The following CDH12 variants were observed in gnomAD, a reference collection of about 807,000 sequenced individuals.
CDH12 encodes the protein cadherin-12.
In CDH12, 41 loss-of-function variants were observed where a neutral mutation model predicts 74.1. That is an observed-to-expected ratio of 0.55 (90% CI 0.43 to 0.72). CDH12 has a LOEUF of 0.72. Among genes scored for constraint, CDH12 ranks in the 30% least tolerant of loss-of-function variants. CDH12 has a pLI of 0.00. For missense variants in CDH12, 945 were observed against 977.2 expected, an observed-to-expected ratio of 0.97 and a Z score of 0.44; for synonymous variants, 399 against 355.0, an observed-to-expected ratio of 1.12 and a Z score of -1.39.
At chr5:22,098,170 G>A (rs975649059) in intron 4 of CDH12, among the ~76,000 whole-genome samples, 2 of 152,084 alleles carry the variant, frequency 1.3e-5, no homozygotes, top group Non-Finnish European at 2.9e-5. Context: ...ACACCCATCA[G>A]GCTCAGCAAA....
chr5:22,703,814 G>A (rs150906556), intron 1 of CDH12, among the ~76,000 whole-genome samples: 1 of 152,208 alleles, frequency 6.6e-6, no homozygotes, highest in Non-Finnish European at 1.5e-5. Flanking sequence ...AGAAATGTTG[G>A]AGCTGGTTTT....
At chr5:21,955,106 G>T (rs377320128) in intron 6 of CDH12, among the ~76,000 whole-genome samples, 1 of 151,752 alleles carries the variant, frequency 6.6e-6, no homozygotes, top group Non-Finnish European at 1.5e-5. Context: ...CAGGTTCTGC[G>T]TTTGATTTTT....
chr5:22,800,735 A>G (rs1748466843), intron 1 of CDH12, among the ~76,000 whole-genome samples: 1 of 152,008 alleles, frequency 6.6e-6, no homozygotes, highest in Non-Finnish European at 1.5e-5. Flanking sequence ...CAACCACTGA[A>G]CTTTTTATTG....
chr5:22,156,956 A>G (rs1748056142), intron 4 of CDH12, among the ~76,000 whole-genome samples: 1 of 152,240 alleles, frequency 6.6e-6, no homozygotes, highest in Admixed American at 6.6e-5. Flanking sequence ...CCAGAGGGGG[A>G]AGAAAAGCAT....
intron 1 of CDH12, among the ~76,000 whole-genome samples, chr5:22,693,561 A>G (rs1742196017): frequency 6.6e-6 from 1 of 152,202 alleles, no homozygotes; most frequent in Non-Finnish European, 1.5e-5. Context: ...TTGAAAAAAA[A>G]TTAGAAAATG....
chr5:21,764,360 C>A (rs540825037), intron 12 of CDH12, among the ~76,000 whole-genome samples: 1 of 151,202 alleles, frequency 6.6e-6, no homozygotes, highest in East Asian at 1.9e-4. Flanking sequence ...GGTGACAGAG[C>A]GAGACTCTGT....
intron 3 of CDH12, among the ~76,000 whole-genome samples, chr5:22,276,885 T>C (rs1736659205): frequency 6.6e-6 from 1 of 152,184 alleles, no homozygotes; most frequent in East Asian, 1.9e-4. Flanking sequence ...TGTATTTAAA[T>C]CTCACAATAA....
At chr5:22,352,307 C>G (rs989282166) in intron 3 of CDH12, among the ~76,000 whole-genome samples, 1 of 152,006 alleles carries the variant, frequency 6.6e-6, no homozygotes, top group African/African-American at 2.4e-5. Flanking sequence ...GGTTGCTTAT[C>G]CTCTTTTCTT....
In CDH12 at chr5:22,237,389, C is replaced by T. The variant is rs936502497; in HGVS notation, c.-332-24746G>A. ...GTGTTTGTGTACCCCCAAATTCATA[C>T]GTTAAAATCCTAATCCTCAAGGTGA... On this transcript the variant is annotated intron_variant, in intron 3 of 14. Coordinates refer to ENST00000382254, the MANE Select transcript of CDH12 (RefSeq NM_004061.5). 6.6e-5 allele frequency among the ~76,000 whole-genome samples: 10 copies of T among 152,118 alleles called. No homozygotes were observed. The East Asian group carries it at 9.6e-4, about 15-fold the overall frequency.
At chr5:22,818,997 T>C (rs1206714687) in intron 1 of CDH12, among the ~76,000 whole-genome samples, 1 of 152,156 alleles carries the variant, frequency 6.6e-6, no homozygotes, top group African/African-American at 2.4e-5. Context: ...TCTATTTTTG[T>C]AGTATGGTAG....
chr5:22,509,530 C>T (rs557092428), intron 1 of CDH12, among the ~76,000 whole-genome samples: 2 of 152,052 alleles, frequency 1.3e-5, no homozygotes, highest in East Asian at 1.9e-4. Context: ...AACTGATGAT[C>T]CAGGAAATTT....
intron 3 of CDH12, among the ~76,000 whole-genome samples, chr5:22,352,988 C>T (rs1189163476): frequency 6.6e-6 from 1 of 152,096 alleles, no homozygotes; most frequent in African/African-American, 2.4e-5. Flanking sequence ...AGAGGCACTG[C>T]CAAAGATGAA....
intron 5 of CDH12, among the ~76,000 whole-genome samples, chr5:22,041,991 A>G (rs1025332640): frequency 6.6e-5 from 10 of 152,218 alleles, no homozygotes; most frequent in African/African-American, 2.2e-4. Context: ...CTAGACATCG[A>G]TGACAGGAGA....
chr5:21,919,110 T>A (rs1754237328), intron 6 of CDH12, among the ~76,000 whole-genome samples: 1 of 152,168 alleles, frequency 6.6e-6, no homozygotes. Context: ...GGACTGATAA[T>A]AACTGCAATG....
At chr5:22,490,495 G>C (rs576735090) in intron 2 of CDH12, among the ~76,000 whole-genome samples, 4 of 151,062 alleles carry the variant, frequency 2.6e-5, no homozygotes, top group African/African-American at 7.3e-5. Context: ...AATTGAGAAA[G>C]AGAAAGTGCT....
chr5:21,822,217 TTTATAATATTTGTATA>T (rs1748408440), intron 8 of CDH12, among the ~76,000 whole-genome samples: 1 of 151,390 alleles, frequency 6.6e-6, no homozygotes, highest in African/African-American at 2.4e-5. Context: ...CTAGTTAACT[TTTATAATATTTGTATA>T]TTATAATATT....
chr5:22,848,024 A>G (rs1737385272), intron 1 of CDH12, among the ~76,000 whole-genome samples: 1 of 151,918 alleles, frequency 6.6e-6, no homozygotes, highest in Admixed American at 6.6e-5. Flanking sequence ...GCTGGGATGA[A>G]AGGTGTGCAC....
intron 6 of CDH12, among the ~76,000 whole-genome samples, chr5:21,917,929 T>C: frequency 6.6e-6 from 1 of 152,184 alleles, no homozygotes; most frequent in Middle Eastern, 3.2e-3. Context: ...TGCTTTCTCT[T>C]TTATATCAGT....
chr5:22,209,554 G>T (rs4701275), intron 4 of CDH12, among the ~76,000 whole-genome samples: 1 of 151,460 alleles, frequency 6.6e-6, no homozygotes, highest in South Asian at 2.1e-4. Context: ...AACCTCTCTT[G>T]GAAAGATGTA....
Sources: allele counts gnomAD v4.1 joint callset (sites outside exome capture counted in the v4.1 genomes callset), GRCh38; gene constraint gnomAD v4.1.1; transcripts MANE v1.5; gene names NCBI Gene and HGNC (gene_info 2026-07-23, HGNC 2026-07-21).